AKT3: variants seen among roughly 807,000 people sequenced by gnomAD.
The protein encoded by AKT3 is RAC-gamma serine/threonine-protein kinase.
In AKT3, 15 loss-of-function variants were observed where a neutral mutation model predicts 65.3. The ratio of observed to expected loss-of-function variants is 0.23; its 90% CI spans 0.15 to 0.35. The LOEUF is 0.35. Among genes scored for constraint, AKT3 ranks in the 10% least tolerant of loss-of-function variants. The pLI, the probability that AKT3 is intolerant of heterozygous loss-of-function variation, is 1.00. For synonymous variants in AKT3, 206 were observed against 183.8 expected, an observed-to-expected ratio of 1.12 and a Z score of -0.98; for missense variants, 243 against 576.5, an observed-to-expected ratio of 0.42 and a Z score of 5.92.
intron 2 of AKT3, among the ~76,000 whole-genome samples, chr1:243,841,180 ATT>A (rs36028452): frequency 6.6e-6 from 1 of 151,400 alleles, no homozygotes; most frequent in Non-Finnish European, 1.5e-5. Context: ...ATTCTTATTC[ATT>A]TTTTTTTCTA....
At chr1:243,740,234 T>G (rs1688070064) in intron 2 of AKT3, among the ~76,000 whole-genome samples, 2 of 152,188 alleles carry the variant, frequency 1.3e-5, no homozygotes, top group Non-Finnish European at 2.9e-5. Context: ...ACTTTGTGTT[T>G]TATAGGTTCT....
chr1:243,840,909 T>G (rs1433044857), intron 2 of AKT3, among the ~76,000 whole-genome samples: 9 of 152,078 alleles, frequency 5.9e-5, no homozygotes, highest in Admixed American at 5.9e-4. Flanking sequence ...AAGGTTAAAG[T>G]TTAGTATATT....
intron 1 of AKT3, among the ~76,000 whole-genome samples, chr1:243,849,146 G>A (rs12096496): frequency 0.022 from 3,367 of 152,300 alleles, 119 homozygotes; most frequent in African/African-American, 0.076. Flanking sequence ...GGCTCTGAAG[G>A]GCCCCACCGG....
At chr1:243,589,209 G>A (rs528874705) in intron 8 of AKT3, among the ~76,000 whole-genome samples, 1 of 150,664 alleles carries the variant, frequency 6.6e-6, no homozygotes, top group East Asian at 2.0e-4. Context: ...GGAAAGCTGA[G>A]GCAGGAGAAT....
At chr1:243,772,205 A>G (rs1690229705) in intron 2 of AKT3, among the ~76,000 whole-genome samples, 1 of 152,150 alleles carries the variant, frequency 6.6e-6, no homozygotes, top group Admixed American at 6.5e-5. Flanking sequence ...TAATTAAACT[A>G]AAGAGCTTCT....
At chr1:243,726,746 T>G (rs1687235417) in intron 2 of AKT3, among the ~76,000 whole-genome samples, 1 of 152,188 alleles carries the variant, frequency 6.6e-6, no homozygotes, top group African/African-American at 2.4e-5. Context: ...AGAATCAAAC[T>G]TATGTTTTTA....
chr1:243,644,362 C>T (rs565997293), intron 5 of AKT3, among the ~76,000 whole-genome samples: 2 of 152,244 alleles, frequency 1.3e-5, no homozygotes, highest in African/African-American at 4.8e-5. Flanking sequence ...TTTACTATCA[C>T]AACCTAGTGC....
Position 243,755,012 on chromosome 1 carries a change from G to A in AKT3, c.47-59296C>T, listed in dbSNP as rs1041087968. On this transcript the variant is annotated intron_variant, in intron 2 of 13. Coordinates refer to ENST00000673466, the MANE Select transcript of AKT3 (RefSeq NM_005465.7). ...TCCAGCAGAGCAGCTTGATATGTAGGAAATCATCAATAAATATTTGCCAAA... is the reference window on the plus strand; with the variant it reads ...TCCAGCAGAGCAGCTTGATATGTAGAAAATCATCAATAAATATTTGCCAAA... Among the ~76,000 whole-genome samples the A allele has an allele frequency of 2.6e-5, 4 of 152,270 alleles. No individual in the cohort carries two copies. In the East Asian group the frequency reaches 7.7e-4, roughly 29 times the overall value.
intron 12 of AKT3, among the ~76,000 whole-genome samples, chr1:243,543,699 G>A (rs1448179764): frequency 6.6e-6 from 1 of 152,166 alleles, no homozygotes; most frequent in Non-Finnish European, 1.5e-5. Flanking sequence ...GTGATACTAA[G>A]TGGATATAAA....
chr1:243,650,205 TG>T (rs1681198870), intron 4 of AKT3, among the ~76,000 whole-genome samples: 1 of 152,174 alleles, frequency 6.6e-6, no homozygotes, highest in African/African-American at 2.4e-5. Flanking sequence ...GCTGCATAAA[TG>T]TCTTTTGAGA....
Position 243,790,557 on chromosome 1 carries a change from C to A in AKT3, c.46+52568G>T, listed in dbSNP as rs1394112369. Among the ~76,000 whole-genome samples the A allele has an allele frequency of 2.0e-5, 3 of 152,184 alleles. No individual in the cohort carries two copies. The East Asian group carries it at 5.8e-4, about 29-fold the overall frequency. On this transcript the variant is annotated intron_variant, in intron 2 of 13. Transcript: ENST00000673466. ...TCAAACTTTCTCCTTATCAGCAATA[C>A]GGCTGTTTCGCTTTCTTATCATTCA... is the stretch of plus-strand genomic sequence containing the variant.
At chr1:243,574,994 T>A (rs1201049025) in intron 8 of AKT3, among the ~76,000 whole-genome samples, 1 of 152,170 alleles carries the variant, frequency 6.6e-6, no homozygotes, top group Non-Finnish European at 1.5e-5. Context: ...GCCAGCCAAT[T>A]TCTATAAATA....
At chr1:243,834,289 T>C (rs1302629667) in intron 2 of AKT3, among the ~76,000 whole-genome samples, 1 of 151,874 alleles carries the variant, frequency 6.6e-6, no homozygotes, top group Non-Finnish European at 1.5e-5. Flanking sequence ...CAGACGAAAA[T>C]GTGGTACATA....
chr1:243,530,991 T>G (rs1671485264), intron 12 of AKT3, among the ~76,000 whole-genome samples: 1 of 152,248 alleles, frequency 6.6e-6, no homozygotes, highest in Non-Finnish European at 1.5e-5. Flanking sequence ...ATATGTATTT[T>G]CAAACATCTG....
rs528684301 is a variant in AKT3 at position 243,488,785 on chromosome 1, GAT to G, written c.*7-337_*7-336del. Among the ~76,000 whole-genome samples the G allele has an allele frequency of 2.3e-4, 35 of 152,180 alleles. 1 individual carries two copies. The highest frequency in any genetic ancestry group is 6.8e-3 in the Middle Eastern group (2 of 292). On this transcript the variant is annotated intron_variant, in intron 13 of 13. Coordinates refer to the AKT3 transcript ENST00000336199. Reference sequence around the variant, plus strand: ...CCACTTATCTGCGTGTTTTCTAATTGATAGTGTACTGAGATGGCTCCCAGTTC... The same window carrying G: ...CCACTTATCTGCGTGTTTTCTAATTGAGTGTACTGAGATGGCTCCCAGTTC...
intron 2 of AKT3, among the ~76,000 whole-genome samples, chr1:243,827,770 A>G (rs1694259537): frequency 1.3e-5 from 2 of 152,264 alleles, no homozygotes; most frequent in African/African-American, 4.8e-5. Context: ...TGAAGACCAA[A>G]TCTAGAAAGC....
intron 13 of AKT3, among the ~76,000 whole-genome samples, chr1:243,511,498 G>C (rs1031139126): frequency 1.3e-5 from 2 of 148,710 alleles, no homozygotes; most frequent in Non-Finnish European, 2.9e-5. Context: ...GGAATGAGAG[G>C]AGAAGACATA....
At chr1:243,649,313 ATGTGTGTG>A (rs55765060) in intron 4 of AKT3, among the ~76,000 whole-genome samples, 70,022 of 145,950 alleles carry the variant, frequency 0.48, 19,645 homozygotes, top group Non-Finnish European at 0.62. Context: ...TTATGTGTAT[ATGTGTGTG>A]TGTGTGTGTG....
At chr1:243,824,389 CA>C (rs999437747) in intron 2 of AKT3, among the ~76,000 whole-genome samples, 20 of 152,172 alleles carry the variant, frequency 1.3e-4, no homozygotes, top group African/African-American at 3.9e-4. Flanking sequence ...CCAATTGCAA[CA>C]AAAGCAAAAA....
Sources: allele counts gnomAD v4.1 joint callset (sites outside exome capture counted in the v4.1 genomes callset), GRCh38; gene constraint gnomAD v4.1.1; transcripts MANE v1.5; gene names NCBI Gene and HGNC (gene_info 2026-07-23, HGNC 2026-07-21).